CDH13: variants seen among roughly 807,000 people sequenced by gnomAD.
CDH13 encodes cadherin-13.
CDH13 carries 24 observed loss-of-function variants against 63.8 expected under a neutral mutation model. The observed-to-expected ratio is 0.38, with a 90% confidence interval of 0.27 to 0.53. The LOEUF (loss-of-function observed/expected upper bound fraction) is 0.53, where lower values mean the gene tolerates loss of function less well. Among genes scored for constraint, CDH13 ranks in the 20% least tolerant of loss-of-function variants. The probability of loss-of-function intolerance (pLI) is 0.85; values close to 1 mark genes in which losing one functional copy is unlikely to be tolerated. For synonymous variants in CDH13, 503 were observed against 355.3 expected (o/e 1.42, Z -4.67); for missense variants, 1,049 against 903.1 (o/e 1.16, Z -2.07).
At chr16:83,431,610 C>T (rs2072111877) in intron 6 of CDH13, among the ~76,000 whole-genome samples, 1 of 152,026 alleles carries the variant, frequency 6.6e-6, no homozygotes, top group Non-Finnish European at 1.5e-5. Flanking sequence ...CTGGGGAGGC[C>T]TCAGGAAGCT....
chr16:82,816,805 G>A (rs2037736827), intron 1 of CDH13, among the ~76,000 whole-genome samples: 2 of 123,406 alleles, frequency 1.6e-5, no homozygotes, highest in African/African-American at 3.2e-5. Context: ...AGAAACTTCG[G>A]GGGGCGGGGG....
rs144844944 is a variant in CDH13 at position 83,327,582 on chromosome 16, C to T, written c.637-17280C>T. Among the ~76,000 whole-genome samples, 581 of 152,272 alleles carry T rather than the reference C, an allele frequency of 3.8e-3. 3 individuals carry two copies. The highest frequency in any genetic ancestry group is 7.0e-3 in the Non-Finnish European group (475 of 68,032). ...CAGACAAATTCCTAGTCGTTGAGAG[C>T]TTACCTTCTAGTAGGCATTACAGAC... On this transcript the variant is annotated intron_variant, in intron 5 of 13. Transcript: ENST00000567109.
chr16:82,821,513 T>A (rs958991101), intron 1 of CDH13, among the ~76,000 whole-genome samples: 1 of 152,144 alleles, frequency 6.6e-6, no homozygotes, highest in Non-Finnish European at 1.5e-5. Flanking sequence ...CTTCTTTCCA[T>A]AATTGGTTAG....
At chr16:83,242,691 G>A (rs1050924307) in intron 5 of CDH13, among the ~76,000 whole-genome samples, 7 of 152,178 alleles carry the variant, frequency 4.6e-5, no homozygotes, top group Non-Finnish European at 8.8e-5. Flanking sequence ...CAATACTTGG[G>A]AAAATTCCCA....
rs148116341 is a variant in CDH13 at position 83,755,225 on chromosome 16, A to G, written c.1681+6975A>G. On this transcript the variant is annotated intron_variant, in intron 11 of 13. Transcript: ENST00000567109. ...TAAAAACTCAGTAAGTAGACTTAAC[A>G]GCAGAACACAGGATTTTTAACCTGG... Among the ~76,000 whole-genome samples the G allele has an allele frequency of 4.3e-3, 657 of 152,326 alleles. 4 individuals carry two copies. Among genetic ancestry groups the G allele is most frequent in the African/African-American group, 0.015 (630 of 41,578 alleles).
At chr16:82,747,400 A>C (rs2034224943) in intron 1 of CDH13, among the ~76,000 whole-genome samples, 1 of 152,300 alleles carries the variant, frequency 6.6e-6, no homozygotes, top group South Asian at 2.1e-4. Context: ...CTTTCTTCTC[A>C]TATAGTTTTT....
At chr16:83,331,353 G>C (rs1457151652) in intron 5 of CDH13, among the ~76,000 whole-genome samples, 1 of 152,192 alleles carries the variant, frequency 6.6e-6, no homozygotes, top group Non-Finnish European at 1.5e-5. Flanking sequence ...GAACTGTAAA[G>C]ACTAGAAAAG....
intron 1 of CDH13, chr16:82,727,704 A>AG (rs1567471842): frequency 1.3e-5 from 2 of 152,232 alleles, no homozygotes; most frequent in East Asian, 3.8e-4. Context: ...GACAAAAAAA[A>AG]GAAATCACAT....
At chr16:83,123,573 C>T (rs971778170) in intron 3 of CDH13, among the ~76,000 whole-genome samples, 3 of 152,194 alleles carry the variant, frequency 2.0e-5, no homozygotes, top group Admixed American at 1.3e-4. Context: ...GCCACTGCAT[C>T]TGGCCCCACA....
At chr16:82,869,900 T>C (rs1012863104) in intron 2 of CDH13, among the ~76,000 whole-genome samples, 5 of 152,052 alleles carry the variant, frequency 3.3e-5, no homozygotes, top group African/African-American at 4.8e-5. Flanking sequence ...TTGGGGGAAA[T>C]ACTCCAGGAC....
At chr16:83,140,253 AC>A (rs1309311887) in intron 4 of CDH13, among the ~76,000 whole-genome samples, 1 of 151,966 alleles carries the variant, frequency 6.6e-6, no homozygotes, top group Non-Finnish European at 1.5e-5. Flanking sequence ...TTCTAATCAT[AC>A]CTATTCCTAC....
At chr16:83,112,557 T>C (rs1375731591) in intron 3 of CDH13, among the ~76,000 whole-genome samples, 1 of 152,232 alleles carries the variant, frequency 6.6e-6, no homozygotes, top group Admixed American at 6.5e-5. Flanking sequence ...AATTAACCCT[T>C]TATCTCTTTC....
intron 1 of CDH13, among the ~76,000 whole-genome samples, chr16:82,702,351 A>T: frequency 6.6e-6 from 1 of 152,170 alleles, no homozygotes; most frequent in Non-Finnish European, 1.5e-5. Context: ...ATACCTAATC[A>T]TAGGATAGGT....
At chr16:82,861,291 A>G (rs1451418765) in intron 2 of CDH13, among the ~76,000 whole-genome samples, 2 of 152,182 alleles carry the variant, frequency 1.3e-5, no homozygotes, top group African/African-American at 2.4e-5. Context: ...TCTTTGCAAT[A>G]TTTAAGAGCT....
chr16:82,938,198 C>T (rs1041590393), intron 2 of CDH13, among the ~76,000 whole-genome samples: 3 of 152,262 alleles, frequency 2.0e-5, no homozygotes, highest in African/African-American at 7.2e-5. Flanking sequence ...GCTTTTTCAA[C>T]AGCTATTTTT....
At position 82,803,431 on chromosome 16, in the gene CDH13, A is replaced by G. The variant is rs533423456; in HGVS notation, c.46-54931A>G. On this transcript the variant is annotated intron_variant, in intron 1 of 13. Transcript: ENST00000567109. ...ATGCGAGGCTCAAATGACAATGATT[A>G]TTTAGAATCTCTGAGCAGCTCAGAC... 3.3e-5 allele frequency among the ~76,000 whole-genome samples: 5 copies of G among 152,136 alleles called. No individual in the cohort carries two copies. The East Asian group carries it at 9.7e-4, about 29-fold the overall frequency.
At chr16:82,955,163 A>G (rs1047978903) in intron 2 of CDH13, among the ~76,000 whole-genome samples, 1 of 152,178 alleles carries the variant, frequency 6.6e-6, no homozygotes, top group African/African-American at 2.4e-5. Context: ...CGGCAACTCT[A>G]TTTTTAACCT....
chr16:82,793,323 G>A (rs746069904), intron 1 of CDH13, among the ~76,000 whole-genome samples: 1 of 152,014 alleles, frequency 6.6e-6, no homozygotes, highest in South Asian at 2.1e-4. Context: ...CAGTAGCAAA[G>A]GGGAAAAGAA....
intron 6 of CDH13, among the ~76,000 whole-genome samples, chr16:83,372,076 A>G (rs1487994068): frequency 1.3e-5 from 2 of 152,208 alleles, no homozygotes; most frequent in African/African-American, 4.8e-5. Flanking sequence ...ATCATCAACA[A>G]TAACAGCATT....
Sources: gnomAD v4.1 joint callset for allele counts (sites outside exome capture counted in the v4.1 genomes callset) on GRCh38, gnomAD v4.1.1 for gene constraint, MANE v1.5 for transcripts, NCBI Gene and HGNC (gene_info 2026-07-23, HGNC 2026-07-21) for gene names.